LINGO2: variants seen among roughly 807,000 people sequenced by gnomAD.
LINGO2 encodes the protein leucine-rich repeat and immunoglobulin-like domain-containing nogo receptor-interacting protein 2.
LINGO2 carries 14 observed loss-of-function variants against 30.6 expected under a neutral mutation model. That is an observed-to-expected ratio of 0.46 (90% CI 0.30 to 0.72). The LOEUF is 0.72. LINGO2 is among the 30% of genes least tolerant of loss of function. The pLI is 0.07. For missense variants in LINGO2, 729 were observed against 751.7 expected, an observed-to-expected ratio of 0.97 and a Z score of 0.35; for synonymous variants, 317 against 288.5, an observed-to-expected ratio of 1.10 and a Z score of -1.00.
chr9:28,434,692 T>C (rs1053201416), intron 2 of LINGO2, among the ~76,000 whole-genome samples: 2 of 152,158 alleles, frequency 1.3e-5, no homozygotes, highest in Non-Finnish European at 2.9e-5. Context: ...ACATTTACTT[T>C]AAATGAGAAG....
the LINGO2 span, among the ~76,000 whole-genome samples, chr9:29,134,849 A>C: frequency 6.6e-6 from 1 of 152,172 alleles, no homozygotes; most frequent in African/African-American, 2.4e-5. Context: ...TAAAGGTATA[A>C]ATCTTTAAGA....
chr9:28,874,299 T>C, the LINGO2 span, among the ~76,000 whole-genome samples: 1 of 151,902 alleles, frequency 6.6e-6, no homozygotes, highest in Admixed American at 6.6e-5. Context: ...TCTACGTAAG[T>C]GATATATCTC....
At chr9:28,637,557 C>T (rs1324633315) in intron 1 of LINGO2, among the ~76,000 whole-genome samples, 2 of 152,020 alleles carry the variant, frequency 1.3e-5, no homozygotes, top group African/African-American at 2.4e-5. Flanking sequence ...AGTTGGATTC[C>T]TAAGTATTTT....
chr9:29,133,163 G>T, the LINGO2 span, among the ~76,000 whole-genome samples: 3 of 152,024 alleles, frequency 2.0e-5, no homozygotes, highest in Non-Finnish European at 4.4e-5. Context: ...TACTCAATAA[G>T]CATCTTCTAT....
rs575927310 is a variant in LINGO2, at chr9:28,521,360, G to A, written c.-364-45335C>T. On this transcript the variant is annotated intron_variant, in intron 1 of 5. Transcript: ENST00000379992. ...TATGAGTACTAAAACTCCAGGAGGC[G>A]ACACCACTGTATGTAGACAGGGTTC... Among the ~76,000 whole-genome samples the A allele has an allele frequency of 5.3e-5, 8 of 152,156 alleles. No individual in the cohort carries two copies. The South Asian group carries it at 6.2e-4, about 12-fold the overall frequency.
At chr9:28,934,341 T>C in the LINGO2 span, among the ~76,000 whole-genome samples, 2 of 152,310 alleles carry the variant, frequency 1.3e-5, no homozygotes, top group East Asian at 3.9e-4. Context: ...CTAATGAGTC[T>C]CTTAGAAAGA....
intron 4 of LINGO2, among the ~76,000 whole-genome samples, chr9:28,141,472 T>C (rs115948216): frequency 2.0e-3 from 300 of 152,334 alleles, no homozygotes; most frequent in African/African-American, 6.9e-3. Flanking sequence ...AAAACCATAA[T>C]AGCACCTCAT....
chr9:28,013,602 A>G (rs1392722428), intron 4 of LINGO2, among the ~76,000 whole-genome samples: 1 of 152,216 alleles, frequency 6.6e-6, no homozygotes, highest in African/African-American at 2.4e-5. Flanking sequence ...AATGAGAAGA[A>G]GCTGATAGTA....
chr9:28,890,176 A>C, the LINGO2 span, among the ~76,000 whole-genome samples: 15 of 142,838 alleles, frequency 1.1e-4, no homozygotes, highest in Non-Finnish European at 2.0e-4. Context: ...GGCAGAAATT[A>C]ACTACAGGTT....
intron 4 of LINGO2, among the ~76,000 whole-genome samples, chr9:28,020,988 C>A (rs1823090955): frequency 1.3e-5 from 2 of 151,976 alleles, no homozygotes. Flanking sequence ...AAAGAACCAG[C>A]TTTTGGTTTC....
the LINGO2 span, among the ~76,000 whole-genome samples, chr9:28,882,590 A>G: frequency 6.6e-6 from 1 of 152,158 alleles, no homozygotes; most frequent in Non-Finnish European, 1.5e-5. Context: ...ATTTCAGAAA[A>G]TAGATTAGCT....
At chr9:28,607,197 A>G (rs1331798967) in intron 1 of LINGO2, among the ~76,000 whole-genome samples, 2 of 152,040 alleles carry the variant, frequency 1.3e-5, no homozygotes, top group Non-Finnish European at 2.9e-5. Context: ...AAGCAAGTCA[A>G]TTATTAAACC....
intron 4 of LINGO2, among the ~76,000 whole-genome samples, chr9:28,247,096 A>G (rs918132249): frequency 6.6e-6 from 1 of 152,214 alleles, no homozygotes; most frequent in African/African-American, 2.4e-5. Context: ...AAAAATCACA[A>G]CAATTAATGA....
intron 3 of LINGO2, among the ~76,000 whole-genome samples, chr9:28,296,770 T>C (rs773067143): frequency 2.0e-5 from 3 of 152,190 alleles, no homozygotes; most frequent in African/African-American, 7.2e-5. Flanking sequence ...TGCTATTAGA[T>C]ACCCATAAAT....
At chr9:28,409,217 T>G (rs930029655) in intron 2 of LINGO2, among the ~76,000 whole-genome samples, 1 of 152,112 alleles carries the variant, frequency 6.6e-6, no homozygotes, top group Non-Finnish European at 1.5e-5. Context: ...TGGATGGTAA[T>G]TATTTTCTGT....
chr9:28,650,793 A>C (rs1390705698), intron 1 of LINGO2, among the ~76,000 whole-genome samples: 1 of 152,232 alleles, frequency 6.6e-6, no homozygotes, highest in African/African-American at 2.4e-5. Flanking sequence ...CATAGTGATC[A>C]CTGTCACTGT....
At chr9:28,431,071 A>AGAGAGAGT (rs58316928) in intron 2 of LINGO2, among the ~76,000 whole-genome samples, 1 of 148,714 alleles carries the variant, frequency 6.7e-6, no homozygotes, top group Non-Finnish European at 1.5e-5. Flanking sequence ...AGAGAGAGAG[A>AGAGAGAGT]AACTCAAGGC....
chr9:29,081,682 C>T, the LINGO2 span, among the ~76,000 whole-genome samples: 1 of 152,064 alleles, frequency 6.6e-6, no homozygotes, highest in South Asian at 2.1e-4. Context: ...TTTAGAAAAC[C>T]CCATCGTCTC....
intron 3 of LINGO2, among the ~76,000 whole-genome samples, chr9:28,297,555 C>T (rs147906305): frequency 6.6e-6 from 1 of 152,090 alleles, no homozygotes; most frequent in African/African-American, 2.4e-5. Flanking sequence ...AGATGATTAG[C>T]CTTACCTTAT....
Sources: allele counts gnomAD v4.1 joint callset (sites outside exome capture counted in the v4.1 genomes callset), GRCh38; gene constraint gnomAD v4.1.1; transcripts MANE v1.5; gene names NCBI Gene and HGNC (gene_info 2026-07-23, HGNC 2026-07-21).